The following VTI1B variants were observed in gnomAD, a reference collection of about 807,000 sequenced individuals.
VTI1B encodes vesicle transport through interaction with t-SNAREs 1B.
VTI1B carries 18 observed loss-of-function variants against 28.6 expected under a neutral mutation model. That is an observed-to-expected ratio of 0.63 (90% CI 0.43 to 0.93). The LOEUF (loss-of-function observed/expected upper bound fraction) is 0.93, where lower values mean the gene tolerates loss of function less well. Ranked by LOEUF, VTI1B falls within the 40% of genes least tolerant of loss-of-function variation. The pLI, the probability that VTI1B is intolerant of heterozygous loss-of-function variation, is 0.00. For synonymous variants in VTI1B, 100 were observed against 107.9 expected, an observed-to-expected ratio of 0.93 and a Z score of 0.46; for missense variants, 283 against 297.0, an observed-to-expected ratio of 0.95 and a Z score of 0.35.
Position 67,662,491 on chromosome 14 carries a change from C to T in VTI1B, c.160G>A (p.Glu54Lys). ...CTTGTTCTCACCGTTTCATTTGCTT[C>T]CTGTTGCTTTTCATCAAAATCCCTG... ...LIRDFDEKQQ[E>K]ANETLAEMEE... The change falls in exon 2 of 6, where the codon GAA becomes AAA. Residue 54 changes from glutamate (E) to lysine (K), a missense_variant. Transcript: ENST00000554659. 1 of 1,611,966 alleles carries T rather than the reference C, an allele frequency of 6.2e-7. No individual in the cohort carries two copies. The highest frequency in any genetic ancestry group is 2.2e-5 in the East Asian group (1 of 44,812).
Position 67,647,542 on chromosome 14 carries a change from G to C in VTI1B, c.*3843C>G, listed in dbSNP as rs2037115935. On this transcript the variant is annotated 3_prime_UTR_variant, in exon 6 of 6. Transcript: ENST00000554659. ...TGTTAGCTTCAGCCTTTGGACACTG[G>C]GGCTATAATGAAGTTAGAAATGGAA... 6.4e-6 allele frequency: 1 copy of C among 155,536 alleles called. No homozygotes were observed. The allele number at this position is 155,536 out of a possible 1,614,324, so 9.6% of individuals were successfully genotyped here. A position where few individuals can be genotyped will look rare whatever the true frequency, so the allele number is the denominator to read the frequency against.
intron 3 of VTI1B, among the ~76,000 whole-genome samples, chr14:67,659,197 A>C (rs1401339025): frequency 6.6e-6 from 1 of 152,220 alleles, no homozygotes; most frequent in Non-Finnish European, 1.5e-5. Context: ...AAAATGATAA[A>C]AAGCTCCTTC....
chr14:67,653,428 A>G lies in VTI1B; in HGVS notation c.602+9T>C, dbSNP rs1404193028. 6.2e-7 allele frequency: 1 copy of G among 1,613,176 alleles called. No individual in the cohort carries two copies. The highest frequency in any genetic ancestry group is 1.7e-5 in the Admixed American group (1 of 59,914). ...TTAAGAGAAATTTCATGACTTTAATAAAACTTACTTTCTGGACATTGAACG... is the reference window on the plus strand; with the variant it reads ...TTAAGAGAAATTTCATGACTTTAATGAAACTTACTTTCTGGACATTGAACG... On this transcript the variant is annotated intron_variant, in intron 5 of 5. Transcript: ENST00000554659.
rs867654375 is a variant in VTI1B at position 67,647,140 on chromosome 14, T to C, written c.*4245A>G. 2.5e-5 allele frequency: 18 copies of C among 709,486 alleles called. No homozygotes were observed. In the Middle Eastern group the frequency reaches 2.9e-3, roughly 115 times the overall value. 43.9% of individuals were successfully genotyped at this position (709,486 alleles called of 1,614,324 possible). Reference sequence around the variant, plus strand: ...ATACAAAGCAAAAACATACACATAATTTTAAATAGTTCAGAAAGGCAAAAT... The same window carrying C: ...ATACAAAGCAAAAACATACACATAACTTTAAATAGTTCAGAAAGGCAAAAT... On this transcript the variant is annotated 3_prime_UTR_variant, in exon 6 of 6. Transcript: ENST00000554659.
rs1258486130 is a variant in VTI1B at position 67,649,870 on chromosome 14, G to C, written c.*1515C>G. 1 of 152,108 alleles carries C rather than the reference G, an allele frequency of 6.6e-6. No homozygotes were observed. Among genetic ancestry groups the C allele is most frequent in the African/African-American group, 2.4e-5 (1 of 41,402 alleles). The allele number at this position is 152,108 out of a possible 1,614,324, so 9.4% of individuals were successfully genotyped here. ...GCTTGTTCAGATCACCCTTCATCCA[G>C]AATAACCAACTAAAAAGTTAAATTC... On this transcript the variant is annotated 3_prime_UTR_variant, in exon 6 of 6. Coordinates refer to ENST00000554659, the MANE Select transcript of VTI1B (RefSeq NM_006370.3).
At chr14:67,660,016 T>C in intron 2 of VTI1B, 94 bp from the exon 3 acceptor site, 3 of 1,235,614 alleles carry the variant, frequency 2.4e-6, no homozygotes, top group Non-Finnish European at 3.4e-6. Flanking sequence ...TACTTATTTA[T>C]TTGGACTACA....
chr14:67,667,740 C>A (rs2037418681), intron 1 of VTI1B, among the ~76,000 whole-genome samples: 1 of 152,042 alleles, frequency 6.6e-6, no homozygotes. Flanking sequence ...GTCAGGAGAT[C>A]GAGACCATCC....
At chr14:67,654,756 G>A (rs947246902) in intron 4 of VTI1B, among the ~76,000 whole-genome samples, 3 of 152,004 alleles carry the variant, frequency 2.0e-5, no homozygotes, top group South Asian at 2.1e-4. Flanking sequence ...TTGCCCGGGC[G>A]CAGTGGCTCA....
rs1384920373 is a variant in VTI1B at position 67,650,288 on chromosome 14, G to A, written c.*1097C>T. 4.4e-6 allele frequency: 1 copy of A among 228,902 alleles called. No individual in the cohort carries two copies. Among genetic ancestry groups the A allele is most frequent in the Non-Finnish European group, 8.7e-6 (1 of 115,462 alleles). The allele number at this position is 228,902 out of a possible 1,614,324, so 14.2% of individuals were successfully genotyped here. On this transcript the variant is annotated 3_prime_UTR_variant, in exon 6 of 6. Transcript: ENST00000554659. ...AAAGTGGGAATGCAGTTTGGCTAGT[G>A]CAAGTGGCAGATTTCCTCTGCCTTC...
chr14:67,659,709 A>C, intron 3 of VTI1B, 22 bp downstream of exon 3: 1 of 1,570,570 alleles, frequency 6.4e-7, no homozygotes, highest in Admixed American at 2.0e-5. Flanking sequence ...AAAAAAAAAC[A>C]AACAAAACAG....
At chr14:67,656,263 TAATA>T (rs1166680409) in intron 4 of VTI1B, 149 bp downstream of exon 4, 11 of 728,428 alleles carry the variant, frequency 1.5e-5, no homozygotes, top group African/African-American at 5.6e-5. Flanking sequence ...AAAAAAAAAT[TAATA>T]AATAAAAATT....
In VTI1B at chr14:67,649,169, G is replaced by A. The variant is rs2037139690; in HGVS notation, c.*2216C>T. The A allele has an allele frequency of 6.6e-6, 1 of 152,138 alleles. No individual in the cohort carries two copies. Among genetic ancestry groups the A allele is most frequent in the Non-Finnish European group, 1.5e-5 (1 of 68,030 alleles). 9.4% of individuals were successfully genotyped at this position (152,138 alleles called of 1,614,324 possible). On this transcript the variant is annotated 3_prime_UTR_variant, in exon 6 of 6. Transcript: ENST00000554659. ...TTAGAGCAGGGGTTAATAACCTCTA[G>A]CACTTATATATGGCATGGCTTGTCT...
chr14:67,665,267 T>TC (rs2037387026), intron 1 of VTI1B, among the ~76,000 whole-genome samples: 1 of 150,460 alleles, frequency 6.6e-6, no homozygotes, highest in African/African-American at 2.4e-5. Flanking sequence ...ATCTTTTTTT[T>TC]TTTTTTTTTT....
rs114915789 is a variant in VTI1B, at chr14:67,654,099, G to C, written c.541-601C>G. On this transcript the variant is annotated intron_variant, in intron 4 of 5. Transcript: ENST00000554659. Reference sequence around the variant, plus strand: ...GTGGCCTTGGTAAGCTGACCTCTCAGCTCGTTCCTTGGCTTTTATTTATTT... The same window carrying C: ...GTGGCCTTGGTAAGCTGACCTCTCACCTCGTTCCTTGGCTTTTATTTATTT... Among the ~76,000 whole-genome samples, 685 of 152,240 alleles carry C rather than the reference G, an allele frequency of 4.5e-3. 5 individuals are homozygous for C. Among genetic ancestry groups the C allele is most frequent in the African/African-American group, 0.016 (668 of 41,540 alleles).
At position 67,673,669 on chromosome 14, in the gene VTI1B, C is replaced by T. The variant is rs2037497583; in HGVS notation, c.115+706G>A. 2.0e-5 allele frequency among the ~76,000 whole-genome samples: 3 copies of T among 152,216 alleles called. No homozygotes were observed. In the South Asian group the frequency reaches 6.2e-4, roughly 32 times the overall value. On this transcript the variant is annotated intron_variant, in intron 1 of 5. Coordinates refer to ENST00000554659, the MANE Select transcript of VTI1B (RefSeq NM_006370.3). ...CGTTGAGCAAACACCCAAGCTCTGACTCTTAAATAAAAGCAATAAAACAAA... is the reference window on the plus strand; with the variant it reads ...CGTTGAGCAAACACCCAAGCTCTGATTCTTAAATAAAAGCAATAAAACAAA...
At chr14:67,665,504 G>A (rs1219704961) in intron 1 of VTI1B, among the ~76,000 whole-genome samples, 2 of 152,046 alleles carry the variant, frequency 1.3e-5, no homozygotes, top group South Asian at 2.1e-4. Flanking sequence ...CTGGGCTCAG[G>A]CAATCCTCGA....
In VTI1B at chr14:67,647,133, C is replaced by A. The variant is rs2037110530; in HGVS notation, c.*4252G>T. On this transcript the variant is annotated 3_prime_UTR_variant, in exon 6 of 6. Coordinates refer to ENST00000554659, the MANE Select transcript of VTI1B (RefSeq NM_006370.3). ...TTTTAAAATACAAAGCAAAAACATA[C>A]ACATAATTTTAAATAGTTCAGAAAG... 9.4e-6 allele frequency: 7 copies of A among 746,666 alleles called. No individual in the cohort carries two copies. The South Asian group carries it at 1.1e-4, about 12-fold the overall frequency. 46.3% of individuals were successfully genotyped at this position (746,666 alleles called of 1,614,324 possible).
intron 3 of VTI1B, chr14:67,657,289 G>A (rs2037270919): frequency 6.6e-6 from 1 of 152,190 alleles, no homozygotes; most frequent in East Asian, 1.9e-4. Flanking sequence ...AAAAACGTAT[G>A]TGGTTACCCT....
At chr14:67,657,638 G>A (rs1281178138) in intron 3 of VTI1B, among the ~76,000 whole-genome samples, 2 of 149,768 alleles carry the variant, frequency 1.3e-5, no homozygotes, top group Admixed American at 1.3e-4. Flanking sequence ...AATCAAAAGG[G>A]ACCCAGCTCA....
Sources: gnomAD v4.1 joint callset for allele counts (sites outside exome capture counted in the v4.1 genomes callset) on GRCh38, gnomAD v4.1.1 for gene constraint, MANE v1.5 for transcripts, NCBI Gene and HGNC (gene_info 2026-07-23, HGNC 2026-07-21) for gene names.